The following DNAAF6 variants were observed in gnomAD, a reference collection of about 807,000 sequenced individuals.
DNAAF6 encodes PIH1 domain containing 3.
A neutral mutation model predicts 13.7 loss-of-function variants in DNAAF6; 3 were observed. The observed-to-expected ratio is 0.22, with a 90% confidence interval of 0.10 to 0.56. The LOEUF (loss-of-function observed/expected upper bound fraction) is 0.56. Among genes scored for constraint, DNAAF6 ranks in the 20% least tolerant of loss-of-function variants. The pLI, the probability that DNAAF6 is intolerant of heterozygous loss-of-function variation, is 0.92. For missense variants in DNAAF6, 130 were observed against 151.0 expected (o/e 0.86, Z 0.73); for synonymous variants, 54 against 49.2 (o/e 1.10, Z -0.41).
intron 6 of DNAAF6, among the ~76,000 whole-genome samples, chrX:107,240,712 G>A (rs1322150037): frequency 1.8e-5 from 2 of 111,788 alleles, no homozygotes; most frequent in Non-Finnish European, 3.8e-5. Flanking sequence ...TTGGCATGTA[G>A]ATACCCAACA....
intron 6 of DNAAF6, among the ~76,000 whole-genome samples, chrX:107,240,770 G>A (rs1267950211): frequency 2.7e-5 from 3 of 111,510 alleles, no homozygotes; most frequent in East Asian, 2.8e-4. Flanking sequence ...GATAATTTAC[G>A]GGGATCTCTT....
intron 1 of DNAAF6, 38 bp from the exon 2 acceptor site, chrX:107,212,835 A>G (rs1402392442): frequency 8.9e-7 from 1 of 1,123,015 alleles, no homozygotes; most frequent in East Asian, 3.1e-5. Context: ...ATAAAACAGA[A>G]AAGTAAAATA....
intron 5 of DNAAF6, among the ~76,000 whole-genome samples, chrX:107,235,963 CA>C (rs1569376505): frequency 7.1e-4 from 77 of 107,795 alleles, no homozygotes; most frequent in Non-Finnish European, 1.3e-3. Flanking sequence ...CCCATCTCTA[CA>C]AAAATAAAAA....
intron 4 of DNAAF6, among the ~76,000 whole-genome samples, chrX:107,219,800 A>AT (rs546631583): frequency 0.33 from 32,525 of 99,241 alleles, 5,892 homozygotes; most frequent in African/African-American, 0.64. Context: ...ACTATCCAGT[A>AT]TTTTTTTTTT....
intron 1 of DNAAF6, among the ~76,000 whole-genome samples, chrX:107,211,925 T>G (rs1927865810): frequency 8.9e-6 from 1 of 111,980 alleles, no homozygotes. Flanking sequence ...CCCAAAATAT[T>G]TTGAGCATTG....
chrX:107,238,863 T>G, intron 5 of DNAAF6, 59 bp from the exon 6 acceptor site: 2 of 1,191,237 alleles, frequency 1.7e-6, no homozygotes, highest in Middle Eastern at 2.4e-4. Flanking sequence ...TATTCTTATA[T>G]TCTTCAAATT....
chrX:107,218,280 A>T (rs1478021660), intron 3 of DNAAF6, among the ~76,000 whole-genome samples: 1 of 111,652 alleles, frequency 9.0e-6, no homozygotes, highest in Non-Finnish European at 1.9e-5. Context: ...AAAATGCTGG[A>T]CTAAAAAATG....
intron 1 of DNAAF6, among the ~76,000 whole-genome samples, chrX:107,208,307 C>G (rs2069318791): frequency 9.2e-6 from 1 of 108,709 alleles, no homozygotes. Context: ...AGTGGCACAG[C>G]CTGTAGTCCC....
chrX:107,210,816 T>TTA (rs1285160694), intron 1 of DNAAF6, among the ~76,000 whole-genome samples: 1 of 111,366 alleles, frequency 9.0e-6, no homozygotes, highest in African/African-American at 3.3e-5. Context: ...AGGCAGGAAA[T>TTA]TATAGAGTAT....
chrX:107,210,505 A>G (rs1230152120), intron 1 of DNAAF6, among the ~76,000 whole-genome samples: 1 of 110,456 alleles, frequency 9.1e-6, no homozygotes, highest in East Asian at 2.8e-4. Context: ...TGCAACTTCC[A>G]TCTCTGGGAC....
chrX:107,219,963 T>A (rs1258292372), intron 4 of DNAAF6, among the ~76,000 whole-genome samples: 4 of 110,595 alleles, frequency 3.6e-5, no homozygotes, highest in Admixed American at 2.9e-4. Flanking sequence ...CACGCCCAGC[T>A]AATTTTTGTA....
At chrX:107,237,435 C>T (rs1227730089) in intron 5 of DNAAF6, among the ~76,000 whole-genome samples, 2 of 112,180 alleles carry the variant, frequency 1.8e-5, no homozygotes, top group African/African-American at 3.2e-5. Flanking sequence ...ATATAGACAT[C>T]AACTTCCATC....
intron 4 of DNAAF6, among the ~76,000 whole-genome samples, chrX:107,221,305 C>T (rs1224595688): frequency 1.8e-5 from 2 of 108,527 alleles, no homozygotes; most frequent in Admixed American, 9.9e-5. Flanking sequence ...CCAACCACCG[C>T]CCCCCCGGCC....
chrX:107,239,312 G>A (rs1928581375), intron 6 of DNAAF6, among the ~76,000 whole-genome samples: 1 of 111,907 alleles, frequency 8.9e-6, no homozygotes, highest in Admixed American at 9.5e-5. Context: ...CCATTAAGTT[G>A]TAAGTCTTAT....
At chrX:107,217,195 A>T (rs1336985012) in intron 3 of DNAAF6, among the ~76,000 whole-genome samples, 2 of 111,839 alleles carry the variant, frequency 1.8e-5, no homozygotes, top group African/African-American at 6.5e-5. Context: ...TTTGCCTTGA[A>T]TTATCCACAT....
intron 4 of DNAAF6, among the ~76,000 whole-genome samples, chrX:107,220,916 T>C (rs985996133): frequency 3.3e-5 from 2 of 60,267 alleles, no homozygotes; most frequent in South Asian, 7.6e-4. Flanking sequence ...TCTTTCTTTC[T>C]TTCTTTCTTT....
At chrX:107,212,845 A>G in intron 1 of DNAAF6, 28 bp from the exon 2 acceptor site, 1 of 1,145,705 alleles carries the variant, frequency 8.7e-7, no homozygotes, top group Non-Finnish European at 1.2e-6. Flanking sequence ...AAAGTAAAAT[A>G]CCTCTTTCTG....
At chrX:107,223,032 C>A (rs898203297) in intron 5 of DNAAF6, among the ~76,000 whole-genome samples, 191 bp downstream of exon 5, 1 of 112,104 alleles carries the variant, frequency 8.9e-6, no homozygotes, top group Middle Eastern at 4.2e-3. Context: ...ACTAAGTTTA[C>A]ACATTTGGAT....
intron 5 of DNAAF6, among the ~76,000 whole-genome samples, chrX:107,228,719 G>A (rs1011531488): frequency 9.0e-6 from 1 of 110,953 alleles, no homozygotes; most frequent in African/African-American, 3.3e-5. Flanking sequence ...GGGCTCAAGC[G>A]ATCCTCCCAC....
Sources: gnomAD v4.1 joint callset for allele counts (sites outside exome capture counted in the v4.1 genomes callset) on GRCh38, gnomAD v4.1.1 for gene constraint, MANE v1.5 for transcripts, NCBI Gene and HGNC (gene_info 2026-07-23, HGNC 2026-07-21) for gene names.